TSHZ3: variants seen among roughly 807,000 people sequenced by gnomAD.
The protein encoded by TSHZ3 is teashirt homolog 3.
A neutral mutation model predicts 64.5 loss-of-function variants in TSHZ3; 10 were observed. That is an observed-to-expected ratio of 0.16 (90% CI 0.10 to 0.26). The LOEUF is 0.26. TSHZ3 is among the 10% of genes least tolerant of loss of function. The pLI is 1.00. For synonymous variants in TSHZ3, 608 were observed against 593.1 expected, an observed-to-expected ratio of 1.03 and a Z score of -0.36; for missense variants, 1,242 against 1,421.7, an observed-to-expected ratio of 0.87 and a Z score of 2.03.
chr19:31,199,429 A>G (rs959996888), intron 5 of TSHZ3, among the ~76,000 whole-genome samples: 26 of 149,944 alleles, frequency 1.7e-4, no homozygotes, highest in Non-Finnish European at 3.1e-4. Context: ...AAAAGAAAAG[A>G]AAAAACATAG....
intron 6 of TSHZ3, among the ~76,000 whole-genome samples, chr19:31,152,199 T>C (rs1366695880): frequency 6.6e-6 from 1 of 151,528 alleles, no homozygotes; most frequent in Non-Finnish European, 1.5e-5. Context: ...GTCTCAGGAA[T>C]GGGATGGATG....
In TSHZ3 at chr19:31,219,212, T is replaced by G. The variant is rs115878168; in HGVS notation, n.686+8793A>C. ...GTTCTCTGCTCTCAGACAAGACACTTCTCCCAGTGGAGCTTGTTTTTCACT... is the reference window on the plus strand; with the variant it reads ...GTTCTCTGCTCTCAGACAAGACACTGCTCCCAGTGGAGCTTGTTTTTCACT... On this transcript the variant is annotated intron_variant and non_coding_transcript_variant, in intron 4 of 6. Transcript: ENST00000651361. Among the ~76,000 whole-genome samples, 1,084 of 152,268 alleles carry G rather than the reference T, an allele frequency of 7.1e-3. 16 individuals are homozygous for G. Among genetic ancestry groups the G allele is most frequent in the African/African-American group, 0.025 (1,019 of 41,538 alleles).
intron 5 of TSHZ3, among the ~76,000 whole-genome samples, chr19:31,168,946 A>G (rs1281178354): frequency 1.3e-5 from 2 of 152,182 alleles, no homozygotes; most frequent in Admixed American, 1.3e-4. Flanking sequence ...ACTATTTTAT[A>G]AATTCAGTTC....
intron 5 of TSHZ3, among the ~76,000 whole-genome samples, chr19:31,175,385 T>C (rs1331513595): frequency 6.6e-6 from 1 of 152,242 alleles, no homozygotes; most frequent in East Asian, 1.9e-4. Flanking sequence ...TACCCCTATA[T>C]AGGACTTAAG....
chr19:31,304,696 T>C (rs573296673), intron 1 of TSHZ3, among the ~76,000 whole-genome samples: 6 of 152,306 alleles, frequency 3.9e-5, no homozygotes, highest in Admixed American at 3.3e-4. Flanking sequence ...GGCTTAAATA[T>C]TGCTGCAGAG....
chr19:31,339,543 C>T (rs542923238), intron 1 of TSHZ3, among the ~76,000 whole-genome samples: 25 of 152,296 alleles, frequency 1.6e-4, no homozygotes, highest in African/African-American at 6.0e-4. Flanking sequence ...CCTCCCCTCC[C>T]CGTAGTCTGG....
rs1301191950 is a variant in TSHZ3, at chr19:31,275,188, C to T, written c.*1359G>A. The T allele has an allele frequency of 6.6e-6, 1 of 152,444 alleles. No individual in the cohort carries two copies. The highest frequency in any genetic ancestry group is 1.5e-5 in the Non-Finnish European group (1 of 68,028). 9.4% of individuals were successfully genotyped at this position (152,444 alleles called of 1,614,324 possible). ...TTGGAGAGCCGGTAACCACGGGTTA[C>T]CTTTCATAAGCCTAAAGATAAAGCT... On this transcript the variant is annotated 3_prime_UTR_variant, in exon 2 of 2. Transcript: ENST00000240587.
rs147192190 is a variant in TSHZ3 at position 31,304,089 on chromosome 19, C to T, written c.41-24337G>A. ...TCCCGGGTTCAAGTGATTGTTTTGC[C>T]TCAGCCTCCTGAGTAGCTGGGATTA... On this transcript the variant is annotated intron_variant, in intron 1 of 1. Coordinates refer to ENST00000240587, the MANE Select transcript of TSHZ3 (RefSeq NM_020856.4). Among the ~76,000 whole-genome samples, 39 of 152,210 alleles carry T rather than the reference C, an allele frequency of 2.6e-4. No homozygotes were observed. The East Asian group carries it at 5.2e-3, about 20-fold the overall frequency.
chr19:31,313,363 A>C (rs1916513948), intron 1 of TSHZ3, among the ~76,000 whole-genome samples: 1 of 152,250 alleles, frequency 6.6e-6, no homozygotes, highest in Admixed American at 6.5e-5. Context: ...AATCACAGAC[A>C]GGATGCTCCA....
In TSHZ3 at chr19:31,276,667, C is replaced by G; in HGVS notation, c.3126G>C (p.Gln1042His). ...SPEEDLGTSY[Q>H]CKLCNRTFAS... ...CAAAGGTCCGATTGCAAAGTTTGCA[C>G]TGATAGGAAGTCCCCAGGTCTTCCT... The change falls in exon 2 of 2, where the codon CAG becomes CAC. Residue 1042 changes from glutamine (Q) to histidine (H), a missense_variant. Around this residue, in one of 4 missense-constraint regions of TSHZ3, gnomAD observed 126 missense variants for 140.6 expected, o/e 0.90. Coordinates refer to ENST00000240587, the MANE Select transcript of TSHZ3 (RefSeq NM_020856.4). 1.2e-6 allele frequency: 2 copies of G among 1,613,650 alleles called. No individual in the cohort carries two copies. Among genetic ancestry groups the G allele is most frequent in the Non-Finnish European group, 1.7e-6 (2 of 1,179,604 alleles).
chr19:31,336,386 T>C (rs1269402585), intron 1 of TSHZ3, among the ~76,000 whole-genome samples: 1 of 152,176 alleles, frequency 6.6e-6, no homozygotes, highest in African/African-American at 2.4e-5. Flanking sequence ...GCTGGGACTC[T>C]GTAGTGCACT....
At chr19:31,206,108 G>A (rs4991453) in intron 4 of TSHZ3, among the ~76,000 whole-genome samples, 1 of 149,084 alleles carries the variant, frequency 6.7e-6, no homozygotes, top group African/African-American at 2.6e-5. Flanking sequence ...TGGATGGATG[G>A]ATGGATGGAT....
chr19:31,190,861 G>C (rs1974893445), intron 5 of TSHZ3, among the ~76,000 whole-genome samples: 1 of 145,702 alleles, frequency 6.9e-6, no homozygotes. Context: ...AGTAATAAAA[G>C]CTATTTAAAA....
At chr19:31,190,553 A>T (rs1974888590) in intron 5 of TSHZ3, among the ~76,000 whole-genome samples, 1 of 152,208 alleles carries the variant, frequency 6.6e-6, no homozygotes, top group South Asian at 2.1e-4. Context: ...TTTCCCAATA[A>T]TTATCTATAA....
chr19:31,341,629 TGACA>T lies in TSHZ3; in HGVS notation c.40+7547_40+7550del, dbSNP rs1490536565. Among the ~76,000 whole-genome samples the T allele has an allele frequency of 7.9e-4, 71 of 89,630 alleles. 1 individual carries two copies. The South Asian group carries it at 0.023, about 29-fold the overall frequency. 58.8% of individuals were successfully genotyped at this position (89,630 alleles called of 152,430 possible). ...CACTCACTCTCTCTCTCTCTCTCTCTGACACACACACACACACACACACACACAC... is the reference window on the plus strand; with the variant it reads ...CACTCACTCTCTCTCTCTCTCTCTCTCACACACACACACACACACACACAC... On this transcript the variant is annotated intron_variant, in intron 1 of 1. Transcript: ENST00000240587.
chr19:31,171,186 G>A (rs1428634735), intron 5 of TSHZ3, among the ~76,000 whole-genome samples: 1 of 152,094 alleles, frequency 6.6e-6, no homozygotes, highest in Non-Finnish European at 1.5e-5. Flanking sequence ...AGCCTTGCCT[G>A]GGTCTCTGAG....
chr19:31,187,119 C>T (rs555265007), intron 5 of TSHZ3, among the ~76,000 whole-genome samples: 2 of 152,272 alleles, frequency 1.3e-5, no homozygotes, highest in Admixed American at 1.3e-4. Context: ...GGACACAGAG[C>T]ATTTGTGTCA....
At chr19:31,256,546 G>T (rs1376398770) in intron 1 of TSHZ3, among the ~76,000 whole-genome samples, 1 of 152,212 alleles carries the variant, frequency 6.6e-6, no homozygotes, top group South Asian at 2.1e-4. Context: ...GCGCTCTGAT[G>T]CTGTAACACA....
At chr19:31,299,497 C>T (rs1312664768) in intron 1 of TSHZ3, among the ~76,000 whole-genome samples, 2 of 152,148 alleles carry the variant, frequency 1.3e-5, no homozygotes. Context: ...GAGGGAAAGT[C>T]ATTTTTATTT....
Sources: gnomAD v4.1 joint callset for allele counts (sites outside exome capture counted in the v4.1 genomes callset) on GRCh38, gnomAD v4.1.1 for gene constraint, gnomAD v4.1.1 regional missense constraint, MANE v1.5 for transcripts, NCBI Gene and HGNC (gene_info 2026-07-23, HGNC 2026-07-21) for gene names.